C15orf40: variants seen among roughly 807,000 people sequenced by gnomAD.
C15orf40 encodes UPF0235 protein C15orf40.
In C15orf40, 9 loss-of-function variants were observed where a neutral mutation model predicts 13.9. The ratio of observed to expected loss-of-function variants is 0.65; its 90% CI spans 0.39 to 1.13. C15orf40 has a LOEUF of 1.13. C15orf40 is among the 50% of genes most tolerant of loss of function. The probability of loss-of-function intolerance (pLI) is 0.01; values close to 1 mark genes in which losing one functional copy is unlikely to be tolerated. For missense variants in C15orf40, 225 were observed against 188.5 expected, an observed-to-expected ratio of 1.19 and a Z score of -1.13; for synonymous variants, 95 against 69.2, an observed-to-expected ratio of 1.37 and a Z score of -1.85.
rs951683682 is a variant in C15orf40, at chr15:82,999,409, T to G, written c.*6188A>C. 1.3e-5 allele frequency: 2 copies of G among 152,150 alleles called. No individual in the cohort carries two copies. The highest frequency in any genetic ancestry group is 2.4e-5 in the African/African-American group (1 of 41,410). 9.4% of individuals were successfully genotyped at this position (152,150 alleles called of 1,614,324 possible). On this transcript the variant is annotated 3_prime_UTR_variant, in exon 4 of 4. Transcript: ENST00000304177. ...TGGGGTCTTACCACGTCGCCCAAGC[T>G]GGTCTCAAACTCCTGGCCACAAACT... is the stretch of plus-strand genomic sequence containing the variant.
In C15orf40 at chr15:83,011,575, A is replaced by C. The variant is rs1460886530; in HGVS notation, c.33T>G (p.Leu11=). The C allele has an allele frequency of 4.4e-6, 7 of 1,602,636 alleles. No homozygotes were observed. The highest frequency in any genetic ancestry group is 5.9e-6 in the Non-Finnish European group (7 of 1,177,378). The change falls in exon 1 of 4, where the codon CTT becomes CTG. Residue 11 remains leucine, a synonymous_variant. Transcript: ENST00000304177. ...AGCCCCGAGTATTGGGTGTTGCCCG[A>C]AGGTGCCTCAGCCCGCTGCGGAGCC... MLRLRSGLRH[L]RATPNTRGSA...
rs1232981531 is a variant in C15orf40, at chr15:83,004,954, T to C, written c.*643A>G. On this transcript the variant is annotated 3_prime_UTR_variant, in exon 4 of 4. Transcript: ENST00000304177. ...GTTGCCAGCTTGCATGGTACAATCT[T>C]GAGTAAGTCTCTCAACTTCTGGATA... The C allele has an allele frequency of 7.8e-7, 1 of 1,288,944 alleles. No individual in the cohort carries two copies. Among genetic ancestry groups the C allele is most frequent in the Non-Finnish European group, 1.0e-6 (1 of 975,250 alleles). The allele number at this position is 1,288,944 out of a possible 1,614,324, so 79.8% of individuals were successfully genotyped here. A position where few individuals can be genotyped will look rare whatever the true frequency, so the allele number is the denominator to read the frequency against.
intron 3 of C15orf40, chr15:83,006,301 A>T: frequency 1.2e-6 from 1 of 813,084 alleles, no homozygotes; most frequent in Non-Finnish European, 1.5e-6. Flanking sequence ...AATCATCTTT[A>T]AAATACCAAA....
chr15:83,007,609 G>A (rs1049474755), intron 3 of C15orf40, among the ~76,000 whole-genome samples: 1 of 152,334 alleles, frequency 6.6e-6, no homozygotes, highest in Middle Eastern at 3.4e-3. Context: ...AATCAAACAT[G>A]GCTGGGCATG....
chr15:82,990,253 A>G, downstream of C15orf40: 2 of 264,508 alleles, frequency 7.6e-6, no homozygotes, highest in Non-Finnish European at 1.2e-5. Context: ...AATACCTGAA[A>G]CTGTGGATTA....
chr15:82,992,933 C>T (rs2030922590), downstream of C15orf40, among the ~76,000 whole-genome samples: 1 of 152,068 alleles, frequency 6.6e-6, no homozygotes, highest in East Asian at 1.9e-4. Context: ...ATAAAAGGTA[C>T]AGTTTCTGCT....
Position 82,995,013 on chromosome 15 carries a change from C to T in C15orf40, c.*10584G>A, listed in dbSNP as rs1041798497. On this transcript the variant is annotated 3_prime_UTR_variant, in exon 4 of 4. Coordinates refer to ENST00000304177, the MANE Select transcript of C15orf40 (RefSeq NM_144597.3). The stretch of plus-strand genomic sequence containing the variant: ...ACATAATATCTAAACAAAGATTTCT[C>T]CTGACATCTGCTGTATTAAATTATT... 3 of 152,132 alleles carry T rather than the reference C, an allele frequency of 2.0e-5. No homozygotes were observed. Among genetic ancestry groups the T allele is most frequent in the African/African-American group, 7.2e-5 (3 of 41,438 alleles). The allele number at this position is 152,132 out of a possible 1,614,324, so 9.4% of individuals were successfully genotyped here.
In C15orf40 at chr15:82,997,970, C is replaced by G. The variant is rs2031194805; in HGVS notation, c.*7627G>C. On this transcript the variant is annotated 3_prime_UTR_variant, in exon 4 of 4. Coordinates refer to ENST00000304177, the MANE Select transcript of C15orf40 (RefSeq NM_144597.3). ...GCTGGCCGGGCGGAGGGCTGACCCC[C>G]CCACCTCCCTCCCGGACGGGGCGGC... The G allele has an allele frequency of 7.3e-6, 1 of 137,824 alleles. No individual in the cohort carries two copies. Among genetic ancestry groups the G allele is most frequent in the African/African-American group, 2.7e-5 (1 of 36,468 alleles). The allele number at this position is 137,824 out of a possible 1,614,324, so 8.5% of individuals were successfully genotyped here.
downstream of C15orf40, chr15:82,991,054 C>CCA (rs1322153702): frequency 1.3e-5 from 2 of 157,878 alleles, no homozygotes; most frequent in Admixed American, 6.3e-5. Flanking sequence ...ATCTTCACTC[C>CCA]CAAGTTCTGG....
chr15:83,001,703 T>G lies in C15orf40; in HGVS notation c.*3894A>C, dbSNP rs967271993. The G allele has an allele frequency of 1.3e-5, 2 of 152,260 alleles. No homozygotes were observed. Among genetic ancestry groups the G allele is most frequent in the African/African-American group, 2.4e-5 (1 of 41,474 alleles). 9.4% of individuals were successfully genotyped at this position (152,260 alleles called of 1,614,324 possible). Reference sequence around the variant, plus strand: ...CCCAGATGATGAAAAGTACATTAACTGAGCTTCTACAGCAGGTCAAGGTGC... The same window carrying G: ...CCCAGATGATGAAAAGTACATTAACGGAGCTTCTACAGCAGGTCAAGGTGC... On this transcript the variant is annotated 3_prime_UTR_variant, in exon 4 of 4. Coordinates refer to ENST00000304177, the MANE Select transcript of C15orf40 (RefSeq NM_144597.3).
chr15:83,005,706 GA>G lies in C15orf40; in HGVS notation c.367-15del. The G allele has an allele frequency of 6.2e-7, 1 of 1,608,384 alleles. No homozygotes were observed. Among genetic ancestry groups the G allele is most frequent in the Admixed American group, 1.7e-5 (1 of 58,780 alleles). ...AGATTTACCACCCTGGACCAAAAGAGAAAAAGCATACTTTACTGTTTAGCAC... is the reference window on the plus strand; with the variant it reads ...AGATTTACCACCCTGGACCAAAAGAGAAAAGCATACTTTACTGTTTAGCAC... On this transcript the variant is annotated splice_polypyrimidine_tract_variant and intron_variant, in intron 3 of 3. Coordinates refer to ENST00000304177, the MANE Select transcript of C15orf40 (RefSeq NM_144597.3).
downstream of C15orf40, chr15:82,990,584 T>G: frequency 7.4e-7 from 1 of 1,355,064 alleles, no homozygotes; most frequent in Middle Eastern, 1.9e-4. Flanking sequence ...TATGGTACTT[T>G]GTGATTCCTT....
rs1266681343 is a variant in C15orf40, at chr15:83,000,597, G to C, written c.*5000C>G. ...TCAGTTTGTGTGGCTTTTTGCTGTTGTGTTATGGTGCCACCTCTTGGATGT... is the reference window on the plus strand; with the variant it reads ...TCAGTTTGTGTGGCTTTTTGCTGTTCTGTTATGGTGCCACCTCTTGGATGT... On this transcript the variant is annotated 3_prime_UTR_variant, in exon 4 of 4. Coordinates refer to ENST00000304177, the MANE Select transcript of C15orf40 (RefSeq NM_144597.3). 1 of 152,188 alleles carries C rather than the reference G, an allele frequency of 6.6e-6. No individual in the cohort carries two copies. The highest frequency in any genetic ancestry group is 1.5e-5 in the Non-Finnish European group (1 of 68,042). 9.4% of individuals were successfully genotyped at this position (152,188 alleles called of 1,614,324 possible). A position where few individuals can be genotyped will look rare whatever the true frequency, so the allele number is the denominator to read the frequency against.
In C15orf40 at chr15:83,000,802, T is replaced by A. The variant is rs932863113; in HGVS notation, c.*4795A>T. On this transcript the variant is annotated 3_prime_UTR_variant, in exon 4 of 4. Coordinates refer to ENST00000304177, the MANE Select transcript of C15orf40 (RefSeq NM_144597.3). ...AGCCCAGAGAGCTGCCTCCTAAAGTTTGAGCATTTAGGTATTTGGAACTTT... is the reference window on the plus strand; with the variant it reads ...AGCCCAGAGAGCTGCCTCCTAAAGTATGAGCATTTAGGTATTTGGAACTTT... 6.6e-6 allele frequency: 1 copy of A among 152,184 alleles called. No individual in the cohort carries two copies. Among genetic ancestry groups the A allele is most frequent in the East Asian group, 1.9e-4 (1 of 5,188 alleles). 9.4% of individuals were successfully genotyped at this position (152,184 alleles called of 1,614,324 possible).
chr15:83,006,729 G>A (rs2031705510), intron 3 of C15orf40, among the ~76,000 whole-genome samples: 1 of 152,220 alleles, frequency 6.6e-6, no homozygotes, highest in Non-Finnish European at 1.5e-5. Context: ...TTGCGCCATC[G>A]CACCCTAGCC....
At chr15:82,990,698 CTGG>C (rs764797998), downstream of C15orf40, 1 of 1,477,554 alleles carries the variant, frequency 6.8e-7, no homozygotes, top group South Asian at 1.2e-5. Context: ...GTGTCTTGAT[CTGG>C]TGGTGGTTGG....
chr15:83,001,213 GA>G lies in C15orf40; in HGVS notation c.*4383del, dbSNP rs2031403019. Reference sequence around the variant, plus strand: ...AATGGCTCACAGAAATCAGAAGTCTGAAATCTCTGCTCCTGCCTCCAGGGCA... The same window carrying G: ...AATGGCTCACAGAAATCAGAAGTCTGAATCTCTGCTCCTGCCTCCAGGGCA... On this transcript the variant is annotated 3_prime_UTR_variant, in exon 4 of 4. Coordinates refer to ENST00000304177, the MANE Select transcript of C15orf40 (RefSeq NM_144597.3). 1 of 985,356 alleles carries G rather than the reference GA, an allele frequency of 1.0e-6. No homozygotes were observed. The highest frequency in any genetic ancestry group is 1.7e-5 in the African/African-American group (1 of 57,236). 61.0% of individuals were successfully genotyped at this position (985,356 alleles called of 1,614,324 possible). A position where few individuals can be genotyped will look rare whatever the true frequency, so the allele number is the denominator to read the frequency against.
chr15:82,995,637 T>A lies in C15orf40; in HGVS notation c.*9960A>T, dbSNP rs1212315703. On this transcript the variant is annotated 3_prime_UTR_variant, in exon 4 of 4. Transcript: ENST00000304177. The stretch of plus-strand genomic sequence containing the variant: ...CCATCTCTACTAAAAATACAAAAAT[T>A]AGCTGGGTGTGGTGGTACATGACTG... 1 of 152,246 alleles carries A rather than the reference T, an allele frequency of 6.6e-6. No homozygotes were observed. Among genetic ancestry groups the A allele is most frequent in the African/African-American group, 2.4e-5 (1 of 41,402 alleles). 9.4% of individuals were successfully genotyped at this position (152,246 alleles called of 1,614,324 possible). A position where few individuals can be genotyped will look rare whatever the true frequency, so the allele number is the denominator to read the frequency against.
chr15:83,008,785 TAAA>T, intron 2 of C15orf40, 110 bp from the exon 3 acceptor site: 5 of 1,218,514 alleles, frequency 4.1e-6, no homozygotes, highest in Non-Finnish European at 5.6e-6. Flanking sequence ...GATTTTCAAT[TAAA>T]AACTGTTGAA....
Sources: allele counts gnomAD v4.1 joint callset (sites outside exome capture counted in the v4.1 genomes callset), GRCh38; gene constraint gnomAD v4.1.1; transcripts MANE v1.5; gene names NCBI Gene and HGNC (gene_info 2026-07-23, HGNC 2026-07-21).